The following SDK1 variants were observed in gnomAD, a reference collection of about 807,000 sequenced individuals.
SDK1 encodes the protein sidekick cell adhesion molecule 1, also known as protein sidekick-1.
SDK1 carries 157 observed loss-of-function variants against 245.5 expected under a neutral mutation model. That is an observed-to-expected ratio of 0.64 (90% CI 0.56 to 0.73). The LOEUF is 0.73. SDK1 is among the 30% of genes least tolerant of loss of function. SDK1 has a pLI of 0.00. For synonymous variants in SDK1, 1,647 were observed against 1,278.5 expected, an observed-to-expected ratio of 1.29 and a Z score of -6.15; for missense variants, 3,583 against 3,002.3, an observed-to-expected ratio of 1.19 and a Z score of -4.52.
rs58317645 is a variant in SDK1 at position 3,351,917 on chromosome 7, C to A, written c.298+50033C>A. On this transcript the variant is annotated intron_variant, in intron 1 of 44. Transcript: ENST00000404826. The stretch of plus-strand genomic sequence containing the variant: ...TGGACATTCATAGAATGTTACAGTT[C>A]CTGTATAATCCATTCTTTTCAAGCA... Among the ~76,000 whole-genome samples the A allele has an allele frequency of 8.8e-3, 1,338 of 152,016 alleles. 23 individuals are homozygous for A. The highest frequency in any genetic ancestry group is 0.03 in the African/African-American group (1,258 of 41,464).
chr7:3,667,029 C>G (rs1392438907), intron 4 of SDK1, among the ~76,000 whole-genome samples: 1 of 151,926 alleles, frequency 6.6e-6, no homozygotes, highest in East Asian at 1.9e-4. Flanking sequence ...AAATTTTATG[C>G]TAAGGACTTG....
At chr7:3,908,343 G>A (rs796253227) in intron 5 of SDK1, among the ~76,000 whole-genome samples, 7 of 152,246 alleles carry the variant, frequency 4.6e-5, no homozygotes, top group African/African-American at 1.4e-4. Flanking sequence ...TGGGAATGAC[G>A]CCAGATCCAG....
intron 1 of SDK1, among the ~76,000 whole-genome samples, chr7:3,477,079 A>G (rs1188056567): frequency 2.0e-5 from 3 of 151,734 alleles, no homozygotes; most frequent in Non-Finnish European, 2.9e-5. Context: ...CTTCCTCTGT[A>G]CTTTGGAATT....
At chr7:3,418,383 A>C (rs1267897976) in intron 1 of SDK1, among the ~76,000 whole-genome samples, 1 of 152,172 alleles carries the variant, frequency 6.6e-6, no homozygotes, top group African/African-American at 2.4e-5. Context: ...ACAGAATGGA[A>C]TATTCACTTC....
At chr7:3,328,262 G>A (rs926401889) in intron 1 of SDK1, among the ~76,000 whole-genome samples, 1 of 152,036 alleles carries the variant, frequency 6.6e-6, no homozygotes, top group Admixed American at 6.6e-5. Context: ...ATATTGTGGT[G>A]TTATTTTGAA....
chr7:3,687,706 A>G (rs570628089), intron 4 of SDK1, among the ~76,000 whole-genome samples: 2 of 152,304 alleles, frequency 1.3e-5, no homozygotes, highest in Non-Finnish European at 1.5e-5. Context: ...AGAAGTCTAC[A>G]CGGGTCAGCA....
intron 1 of SDK1, among the ~76,000 whole-genome samples, chr7:3,548,044 G>A (rs1445436575): frequency 1.3e-5 from 2 of 152,126 alleles, no homozygotes; most frequent in East Asian, 3.8e-4. Context: ...CCAAGAATTT[G>A]TCTCCCCAGT....
chr7:3,984,916 C>T (rs1392446287), intron 13 of SDK1, among the ~76,000 whole-genome samples: 2 of 152,212 alleles, frequency 1.3e-5, no homozygotes, highest in East Asian at 1.9e-4. Flanking sequence ...TTTCCCTCAA[C>T]CCTGTCTGGC....
At chr7:3,993,942 C>T (rs930956017) in intron 14 of SDK1, among the ~76,000 whole-genome samples, 1 of 152,222 alleles carries the variant, frequency 6.6e-6, no homozygotes, top group African/African-American at 2.4e-5. Flanking sequence ...CTCTTGATCA[C>T]TCTCCCCACA....
intron 29 of SDK1, among the ~76,000 whole-genome samples, chr7:4,147,316 G>C (rs1220151049): frequency 6.6e-6 from 1 of 152,164 alleles, no homozygotes; most frequent in East Asian, 1.9e-4. Context: ...CAGTAGCGGG[G>C]ACTACAGGCA....
intron 4 of SDK1, among the ~76,000 whole-genome samples, chr7:3,719,946 C>T (rs1785316756): frequency 6.6e-6 from 1 of 151,086 alleles, no homozygotes; most frequent in Admixed American, 6.6e-5. Flanking sequence ...CACTGCACCC[C>T]AGTCTGGTGA....
At chr7:3,825,472 A>G (rs1779749067) in intron 5 of SDK1, among the ~76,000 whole-genome samples, 3 of 152,164 alleles carry the variant, frequency 2.0e-5, no homozygotes, top group Admixed American at 2.0e-4. Flanking sequence ...ATTCTCTACT[A>G]GGGATGAAGC....
intron 39 of SDK1, among the ~76,000 whole-genome samples, chr7:4,220,543 G>A (rs1349345811): frequency 1.5e-5 from 2 of 135,018 alleles, no homozygotes; most frequent in Non-Finnish European, 3.1e-5. Context: ...GAAATCTTAA[G>A]AGGAAAATAA....
chr7:3,835,462 C>G (rs891527532), intron 5 of SDK1, among the ~76,000 whole-genome samples: 1 of 152,142 alleles, frequency 6.6e-6, no homozygotes, highest in Non-Finnish European at 1.5e-5. Context: ...TACTACGTTG[C>G]TGGACACTTT....
At chr7:4,114,634 C>G (rs550193232) in intron 25 of SDK1, among the ~76,000 whole-genome samples, 107 of 152,260 alleles carry the variant, frequency 7.0e-4, no homozygotes, top group African/African-American at 2.4e-3. Flanking sequence ...AATTAATAGA[C>G]GTAGTATGTT....
chr7:3,827,021 A>C (rs1334400675), intron 5 of SDK1, among the ~76,000 whole-genome samples: 3 of 152,126 alleles, frequency 2.0e-5, no homozygotes, highest in African/African-American at 7.2e-5. Flanking sequence ...CCTTCACCAT[A>C]TCCCCATCTC....
chr7:3,980,394 T>C (rs1783310783), intron 13 of SDK1, among the ~76,000 whole-genome samples: 1 of 152,252 alleles, frequency 6.6e-6, no homozygotes, highest in Non-Finnish European at 1.5e-5. Context: ...GACTCAGCAC[T>C]GGGCTTCGCT....
At chr7:4,175,877 A>G (rs1467851642) in intron 34 of SDK1, 43 bp downstream of exon 34, 3 of 1,561,610 alleles carry the variant, frequency 1.9e-6, no homozygotes, top group Non-Finnish European at 2.6e-6. Context: ...CGAGGCGCAC[A>G]CACTGTGCCC....
At chr7:3,495,915 C>G (rs755750705) in intron 1 of SDK1, among the ~76,000 whole-genome samples, 7 of 152,220 alleles carry the variant, frequency 4.6e-5, no homozygotes, top group Non-Finnish European at 8.8e-5. Flanking sequence ...CTGTTTCACA[C>G]TTTTCAAAGC....
Sources: gnomAD v4.1 joint callset for allele counts (sites outside exome capture counted in the v4.1 genomes callset) on GRCh38, gnomAD v4.1.1 for gene constraint, MANE v1.5 for transcripts, NCBI Gene and HGNC (gene_info 2026-07-23, HGNC 2026-07-21) for gene names.